The following TTYH2 variants were observed in gnomAD, a reference collection of about 807,000 sequenced individuals.
The protein encoded by TTYH2 is protein tweety homolog 2.
A neutral mutation model predicts 68.3 loss-of-function variants in TTYH2; 49 were observed. The ratio of observed to expected loss-of-function variants is 0.72; its 90% CI spans 0.57 to 0.91. TTYH2 has a LOEUF of 0.91. Ranked by LOEUF, TTYH2 falls within the 40% of genes least tolerant of loss-of-function variation. TTYH2 has a pLI of 0.00. For missense variants in TTYH2, 631 were observed against 700.4 expected (o/e 0.90, Z 1.12); for synonymous variants, 272 against 300.8 (o/e 0.90, Z 0.99).
chr17:74,248,288 G>A, intron 6 of TTYH2: 1 of 985,726 alleles, frequency 1.0e-6, no homozygotes, highest in Non-Finnish European at 1.2e-6. Flanking sequence ...GGTGCGCCTG[G>A]CTTGGAGGCC....
Position 74,214,649 on chromosome 17 carries a change from G to A in TTYH2, c.129+933G>A, listed in dbSNP as rs2050204597. Among the ~76,000 whole-genome samples the A allele has an allele frequency of 6.6e-6, 1 of 152,200 alleles. No individual in the cohort carries two copies. Among genetic ancestry groups the A allele is most frequent in the African/African-American group, 2.4e-5 (1 of 41,444 alleles). On this transcript the variant is annotated intron_variant, in intron 1 of 13. Coordinates refer to ENST00000269346, the MANE Select transcript of TTYH2 (RefSeq NM_032646.6). This position sits in a 1 kb window ranked among gnomAD's most constrained non-coding sequence, Gnocchi z 4.6. ...TGCAGAATCTCCCAGCCCGTCTCAG[G>A]TCTGGTCACGCCTGCTCTGGCCCCG...
At chr17:74,231,059 A>G in intron 3 of TTYH2, 60 bp downstream of exon 3, 1 of 1,501,778 alleles carries the variant, frequency 6.7e-7, no homozygotes, top group Non-Finnish European at 9.2e-7. Flanking sequence ...GCGTGGTCAG[A>G]GCAAGGGCCC....
chr17:74,253,675 C>A, intron 12 of TTYH2, 80 bp from the exon 13 acceptor site: 1 of 1,427,146 alleles, frequency 7.0e-7, no homozygotes, highest in Non-Finnish European at 9.9e-7. Flanking sequence ...TGTGCTCACC[C>A]ATGGGACCCT....
chr17:74,249,416 C>A lies in TTYH2; in HGVS notation c.930+17C>A. 2.5e-6 allele frequency: 4 copies of A among 1,613,068 alleles called. No individual in the cohort carries two copies. Among genetic ancestry groups the A allele is most frequent in the Non-Finnish European group, 3.4e-6 (4 of 1,179,828 alleles). On this transcript the variant is annotated intron_variant, in intron 8 of 13. Coordinates refer to ENST00000269346, the MANE Select transcript of TTYH2 (RefSeq NM_032646.6). ...TTCCAGCAGGTATGGCCCCCCGAGG[C>A]CTGCCCTCACCCTGCCCACAGCCGC...
At chr17:74,246,666 C>T (rs1050754805) in intron 6 of TTYH2, among the ~76,000 whole-genome samples, 1 of 152,158 alleles carries the variant, frequency 6.6e-6, no homozygotes, top group Non-Finnish European at 1.5e-5. Context: ...ATCACCATGG[C>T]ATGAGTAATG....
chr17:74,237,439 G>C lies in TTYH2; in HGVS notation c.560G>C (p.Gly187Ala). The change falls in exon 4 of 14, where the codon GGA becomes GCA. Residue 187 changes from glycine (G) to alanine (A), a missense_variant. Physicochemically the swap from Gly to Ala is moderately conservative, Grantham distance 60. Coordinates refer to ENST00000269346, the MANE Select transcript of TTYH2 (RefSeq NM_032646.6). ...MAGSVVVQLS[G>A]LPVWREVTME... The stretch of plus-strand genomic sequence containing the variant: ...GGCAGCGTTGTTGTTCAGCTCTCAG[G>C]ACTGCCCGTGTGGAGGGAGGTCACC... 1 of 1,614,156 alleles carries C rather than the reference G, an allele frequency of 6.2e-7. No homozygotes were observed. Among genetic ancestry groups the C allele is most frequent in the Non-Finnish European group, 8.5e-7 (1 of 1,180,032 alleles).
chr17:74,251,994 C>T, intron 10 of TTYH2: 1 of 535,904 alleles, frequency 1.9e-6, no homozygotes, highest in Non-Finnish European at 3.3e-6. Flanking sequence ...TCAGAGCCAG[C>T]TTCTTAGTGC....
At chr17:74,254,055 C>T (rs1219576628) in intron 13 of TTYH2, among the ~76,000 whole-genome samples, 2 of 152,236 alleles carry the variant, frequency 1.3e-5, no homozygotes, top group East Asian at 3.8e-4. Flanking sequence ...GAACAAGACA[C>T]AGCCCACTGC....
rs1018601488 is a variant in TTYH2 at position 74,243,367 on chromosome 17, T to C, written c.636-7T>C. On this transcript the variant is annotated splice_region_variant and splice_polypyrimidine_tract_variant and intron_variant, in intron 4 of 13. Coordinates refer to ENST00000269346, the MANE Select transcript of TTYH2 (RefSeq NM_032646.6). ...CTGCTCCTGACCATCCCTGCCCCTC[T>C]ACCCAGGTGGCTCTCCTACCTCCTG... The C allele has an allele frequency of 1.2e-6, 2 of 1,613,530 alleles. No individual in the cohort carries two copies. The highest frequency in any genetic ancestry group is 1.7e-5 in the Admixed American group (1 of 60,022).
chr17:74,241,734 A>G lies in TTYH2; in HGVS notation c.636-1640A>G, dbSNP rs2050503247. On this transcript the variant is annotated intron_variant, in intron 4 of 13. Transcript: ENST00000269346. The surrounding 1 kb of genome is among the most constrained non-coding windows in gnomAD (Gnocchi z 4.1). ...GCGACTTTACTTGGCTCTTGCAGCA[A>G]GAGAAATAATGATCCAAATACTTCC... 6.6e-6 allele frequency among the ~76,000 whole-genome samples: 1 copy of G among 152,218 alleles called. No individual in the cohort carries two copies. The highest frequency in any genetic ancestry group is 1.5e-5 in the Non-Finnish European group (1 of 68,036).
chr17:74,227,228 G>T (rs1221899224), intron 2 of TTYH2, among the ~76,000 whole-genome samples: 1 of 152,192 alleles, frequency 6.6e-6, no homozygotes, highest in Non-Finnish European at 1.5e-5. Context: ...GCCTGCCTCA[G>T]CCTCCCAAAG....
chr17:74,250,296 ACTC>A lies in TTYH2; in HGVS notation c.1059_1061del (p.Ser354del), dbSNP rs1482913245. The A allele has an allele frequency of 1.2e-6, 2 of 1,613,556 alleles. No homozygotes were observed. Among genetic ancestry groups the A allele is most frequent in the Non-Finnish European group, 1.7e-6 (2 of 1,179,826 alleles). ...CTGCTTGCAATCCAGCTCCTGCTGAACTCCTCAGAGTCCAGCCTTCACCAGCTG... is the reference window on the plus strand; with the variant it reads ...CTGCTTGCAATCCAGCTCCTGCTGAACTCAGAGTCCAGCCTTCACCAGCTG... On this transcript the variant is annotated inframe_deletion, in exon 10 of 14. Transcript: ENST00000269346.
In TTYH2 at chr17:74,215,589, C is replaced by T. The variant is rs2050214377; in HGVS notation, c.129+1873C>T. The T allele has an allele frequency of 2.0e-6, 3 of 1,527,062 alleles. No individual in the cohort carries two copies. The highest frequency in any genetic ancestry group is 2.6e-6 in the Non-Finnish European group (3 of 1,140,334). The allele number at this position is 1,527,062 out of a possible 1,614,324, so 94.6% of individuals were successfully genotyped here. On this transcript the variant is annotated intron_variant, in intron 1 of 13. Coordinates refer to ENST00000269346, the MANE Select transcript of TTYH2 (RefSeq NM_032646.6). This position sits in a 1 kb window ranked among gnomAD's most constrained non-coding sequence, Gnocchi z 4.3. Reference sequence around the variant, plus strand: ...TCCTGGGCAGCTGACACCAGCCCTGCCCACTGGCTCCTGGTCCCGCTCACC... The same window carrying T: ...TCCTGGGCAGCTGACACCAGCCCTGTCCACTGGCTCCTGGTCCCGCTCACC...
At chr17:74,258,998 A>G (rs1429633413) in intron 13 of TTYH2, among the ~76,000 whole-genome samples, 1 of 151,960 alleles carries the variant, frequency 6.6e-6, no homozygotes, top group Non-Finnish European at 1.5e-5. Context: ...GAAGTGCAGA[A>G]TCTCAGGTCC....
At chr17:74,249,497 T>C (rs1320005905) in intron 8 of TTYH2, 98 bp downstream of exon 8, 2 of 1,332,396 alleles carry the variant, frequency 1.5e-6, no homozygotes, top group Non-Finnish European at 2.1e-6. Context: ...GGCAGGGCCT[T>C]GCTTGCCTCA....
rs2050608566 is a variant in TTYH2 at position 74,250,329 on chromosome 17, C to T, written c.1088C>T (p.Ala363Val). 3 of 1,613,472 alleles carry T rather than the reference C, an allele frequency of 1.9e-6. No homozygotes were observed. Among genetic ancestry groups the T allele is most frequent in the Non-Finnish European group, 2.5e-6 (3 of 1,179,768 alleles). The change falls in exon 10 of 14, where the codon GCC (alanine) becomes GTC (valine). Residue 363 changes from alanine to valine, a missense_variant. Ala to Val is a moderately conservative substitution (Grantham distance 64, BLOSUM62 0). Transcript: ENST00000269346. ...GAGTCCAGCCTTCACCAGCTGACCG[C>T]CATGGTGGACTGCCGAGGGCTGCAC... ...SSESSLHQLT[A>V]MVDCRGLHKD...
At chr17:74,220,287 G>A (rs1162695118) in intron 1 of TTYH2, among the ~76,000 whole-genome samples, 1 of 152,248 alleles carries the variant, frequency 6.6e-6, no homozygotes, top group Non-Finnish European at 1.5e-5. Context: ...TGCTAAGCAA[G>A]TCAGTTTGAA....
At chr17:74,248,958 C>T (rs930888422) in intron 6 of TTYH2, 53 bp from the exon 7 acceptor site, 20 of 1,612,750 alleles carry the variant, frequency 1.2e-5, no homozygotes, top group Non-Finnish European at 1.7e-5. Flanking sequence ...CCCAGGGCCC[C>T]GCTGTCCTGA....
intron 7 of TTYH2, 91 bp from the exon 8 acceptor site, chr17:74,249,253 C>A: frequency 6.3e-7 from 1 of 1,576,152 alleles, no homozygotes; most frequent in Non-Finnish European, 8.7e-7. Context: ...AGCTCAGGGA[C>A]GGGGAGGGAG....
Sources: gnomAD v4.1 joint callset for allele counts (sites outside exome capture counted in the v4.1 genomes callset) on GRCh38, gnomAD v4.1.1 for gene constraint, Gnocchi (gnomAD v3.1) non-coding constraint, MANE v1.5 for transcripts, NCBI Gene and HGNC (gene_info 2026-07-23, HGNC 2026-07-21) for gene names.